The following PKHD1 variants were observed in gnomAD, a reference collection of about 807,000 sequenced individuals.
PKHD1 encodes fibrocystin.
PKHD1 carries 291 observed loss-of-function variants against 412.0 expected under a neutral mutation model. That is an observed-to-expected ratio of 0.71 (90% confidence interval 0.64 to 0.78). The LOEUF is 0.78. PKHD1 is among the 30% of genes least tolerant of loss of function. The pLI is 0.00. For synonymous variants in PKHD1, 1,777 were observed against 1,821.5 expected, an observed-to-expected ratio of 0.98 and a Z score of 0.62; for missense variants, 4,825 against 4,950.7, an observed-to-expected ratio of 0.97 and a Z score of 0.76.
intron 63 of PKHD1, among the ~76,000 whole-genome samples, chr6:51,641,811 A>G (rs1769392871): frequency 6.6e-6 from 1 of 152,166 alleles, no homozygotes; most frequent in Non-Finnish European, 1.5e-5. Flanking sequence ...CAAACATAGC[A>G]TGTTCTCACA....
intron 12 of PKHD1, 116 bp from the exon 13 acceptor site, chr6:52,065,166 TATAG>T (rs1288172299): frequency 3.2e-4 from 16 of 49,970 alleles, no homozygotes; most frequent in Non-Finnish European, 4.3e-4. Flanking sequence ...TATATATATA[TATAG>T]AGAGAGAGAG....
At chr6:51,711,275 CCTT>C (rs1255605466) in intron 60 of PKHD1, among the ~76,000 whole-genome samples, 1 of 152,142 alleles carries the variant, frequency 6.6e-6, no homozygotes, top group Non-Finnish European at 1.5e-5. Flanking sequence ...TGCCTTCCCT[CCTT>C]CTTTGTTTCA....
At chr6:51,938,933 T>G (rs1787973690) in intron 36 of PKHD1, among the ~76,000 whole-genome samples, 1 of 151,644 alleles carries the variant, frequency 6.6e-6, no homozygotes, top group Admixed American at 6.6e-5. Flanking sequence ...TTCTCTTAAT[T>G]TCAGTTCCTT....
intron 60 of PKHD1, among the ~76,000 whole-genome samples, chr6:51,706,846 C>T (rs1780076136): frequency 6.6e-6 from 1 of 152,180 alleles, no homozygotes; most frequent in Non-Finnish European, 1.5e-5. Context: ...AGCTCAGACC[C>T]TGGCTCTGAT....
intron 66 of PKHD1, among the ~76,000 whole-genome samples, chr6:51,620,565 T>C (rs1216344146): frequency 6.6e-6 from 1 of 152,094 alleles, no homozygotes; most frequent in Non-Finnish European, 1.5e-5. Flanking sequence ...ACCAAATACA[T>C]TAACCACGCA....
At chr6:52,021,333 A>T (rs1235846290) in intron 33 of PKHD1, among the ~76,000 whole-genome samples, 3 of 152,216 alleles carry the variant, frequency 2.0e-5, no homozygotes, top group Non-Finnish European at 2.9e-5. Context: ...ATCCTGAAAC[A>T]TCATTGATTT....
rs369278032 is a variant in PKHD1, at chr6:52,017,414, T to A, written c.5596A>T (p.Ile1866Phe). 7.5e-6 allele frequency: 12 copies of A among 1,608,624 alleles called. No individual in the cohort carries two copies. Among genetic ancestry groups the A allele is most frequent in the Non-Finnish European group, 1.0e-5 (12 of 1,174,956 alleles). ...GGAGGGAGAAGGTAAAGTTACCTGATAAAGAGGCCCGAGAATGATGGAAAC... is the reference window on the plus strand; with the variant it reads ...GGAGGGAGAAGGTAAAGTTACCTGAAAAAGAGGCCCGAGAATGATGGAAAC... ...SMFPSFSGLF[I>F]SPKLERDEVL... is the part of the protein sequence containing the mutation. The change falls in exon 34 of 67, where the codon ATC (isoleucine) becomes TTC (phenylalanine). Residue 1866 changes from isoleucine (I) to phenylalanine (F), a missense_variant. Transcript: ENST00000371117.
chr6:51,999,652 C>G (rs909118782), intron 35 of PKHD1, among the ~76,000 whole-genome samples: 1 of 152,132 alleles, frequency 6.6e-6, no homozygotes, highest in African/African-American at 2.4e-5. Context: ...AGAGGACAAC[C>G]CTGAGGAGAA....
At chr6:51,891,578 C>T (rs374732869) in intron 43 of PKHD1, among the ~76,000 whole-genome samples, 74 of 152,204 alleles carry the variant, frequency 4.9e-4, no homozygotes, top group African/African-American at 1.7e-3. Context: ...CGTGCCCAGC[C>T]AACTTTAGGT....
intron 64 of PKHD1, among the ~76,000 whole-genome samples, chr6:51,638,478 C>T (rs1383290992): frequency 6.6e-6 from 1 of 152,068 alleles, no homozygotes; most frequent in Non-Finnish European, 1.5e-5. Flanking sequence ...TTGAGGAGGA[C>T]AGGACCCAAA....
chr6:51,665,420 C>T (rs1397545437), intron 60 of PKHD1, among the ~76,000 whole-genome samples: 4 of 151,930 alleles, frequency 2.6e-5, no homozygotes, highest in Non-Finnish European at 5.9e-5. Context: ...GAAAATTTTC[C>T]TTTTATAAAG....
intron 43 of PKHD1, among the ~76,000 whole-genome samples, chr6:51,894,712 G>A (rs1375989983): frequency 6.6e-6 from 1 of 152,230 alleles, no homozygotes; most frequent in Admixed American, 6.5e-5. Context: ...GAGAGTTTAG[G>A]CTTTCAGAGT....
At chr6:51,741,568 A>T (rs1784557487) in intron 60 of PKHD1, among the ~76,000 whole-genome samples, 1 of 152,156 alleles carries the variant, frequency 6.6e-6, no homozygotes, top group Non-Finnish European at 1.5e-5. Flanking sequence ...AAATATTAAC[A>T]CATGAGCTTC....
rs543976328 is a variant in PKHD1 at position 51,906,835 on chromosome 6, G to T, written c.6683-495C>A. Among the ~76,000 whole-genome samples, 5 of 152,214 alleles carry T rather than the reference G, an allele frequency of 3.3e-5. No individual in the cohort carries two copies. In the East Asian group the frequency reaches 9.7e-4, roughly 29 times the overall value. On this transcript the variant is annotated intron_variant, in intron 40 of 66. Coordinates refer to ENST00000371117, the MANE Select transcript of PKHD1 (RefSeq NM_138694.4). ...TAACTGTAAGCAAGGTCAAAGGTTG[G>T]CCTGAGGATCATGACTCTCACATTT...
chr6:51,699,920 AGTGTGTGTGT>A (rs148337538), intron 60 of PKHD1, among the ~76,000 whole-genome samples: 7 of 137,812 alleles, frequency 5.1e-5, no homozygotes, highest in South Asian at 2.5e-4. Context: ...ATATATATGG[AGTGTGTGTGT>A]GTGTGTGTGT....
At chr6:51,888,146 G>A (rs1022152778) in intron 43 of PKHD1, among the ~76,000 whole-genome samples, 1 of 152,212 alleles carries the variant, frequency 6.6e-6, no homozygotes, top group African/African-American at 2.4e-5. Flanking sequence ...CCAAGACAGG[G>A]TGACTGAGTA....
At chr6:51,701,420 A>G (rs572547816) in intron 60 of PKHD1, among the ~76,000 whole-genome samples, 1 of 152,242 alleles carries the variant, frequency 6.6e-6, no homozygotes, top group East Asian at 1.9e-4. Flanking sequence ...CTGTCCAAAG[A>G]TTCTGACATT....
At chr6:51,922,559 G>A (rs753834848) in intron 37 of PKHD1, among the ~76,000 whole-genome samples, 1 of 152,230 alleles carries the variant, frequency 6.6e-6, no homozygotes, top group Non-Finnish European at 1.5e-5. Flanking sequence ...AGAGTCTACA[G>A]AGGCAGGCAG....
At chr6:52,047,176 T>C (rs954513478) in intron 23 of PKHD1, among the ~76,000 whole-genome samples, 3 of 152,202 alleles carry the variant, frequency 2.0e-5, no homozygotes, top group Admixed American at 2.0e-4. Context: ...GCAGGAAGTC[T>C]CTACGGATGA....
Sources: allele counts gnomAD v4.1 joint callset (sites outside exome capture counted in the v4.1 genomes callset), GRCh38; gene constraint gnomAD v4.1.1; transcripts MANE v1.5; gene names NCBI Gene and HGNC (gene_info 2026-07-23, HGNC 2026-07-21).